The following NIBAN1 variants were observed in gnomAD, a reference collection of about 807,000 sequenced individuals.
The protein encoded by NIBAN1 is niban apoptosis regulator 1, also known as protein Niban 1.
NIBAN1 carries 81 observed loss-of-function variants against 75.1 expected under a neutral mutation model. The ratio of observed to expected loss-of-function variants is 1.08; its 90% confidence interval spans 0.90 to 1.30. NIBAN1 has a LOEUF of 1.30. Among genes scored for constraint, NIBAN1 ranks in the 50% most tolerant of loss-of-function variants. NIBAN1 has a pLI of 0.00. For missense variants in NIBAN1, 1,133 were observed against 1,128.1 expected (o/e 1.00, Z -0.06); for synonymous variants, 436 against 424.8 (o/e 1.03, Z -0.32).
chr1:184,949,187 A>C (rs975487383), intron 1 of NIBAN1, among the ~76,000 whole-genome samples: 13 of 152,112 alleles, frequency 8.5e-5, no homozygotes, highest in African/African-American at 2.9e-4. Context: ...CCCCATCTCT[A>C]CTAAGAAAAA....
chr1:184,931,834 T>C (rs1657832936), intron 1 of NIBAN1, among the ~76,000 whole-genome samples: 1 of 152,194 alleles, frequency 6.6e-6, no homozygotes, highest in South Asian at 2.1e-4. Context: ...AGCACAATCA[T>C]TAAACATCAT....
At chr1:184,918,130 A>G (rs1208073803) in intron 1 of NIBAN1, among the ~76,000 whole-genome samples, 4 of 152,102 alleles carry the variant, frequency 2.6e-5, no homozygotes, top group Non-Finnish European at 5.9e-5. Flanking sequence ...CGGTTAACAG[A>G]TTCACCATCA....
In NIBAN1 at chr1:184,795,443, T is replaced by A. The variant is rs755118661; in HGVS notation, c.2321A>T (p.Gln774Leu). Residue 774 changes from glutamine to leucine, a missense_variant, in exon 14 of 14, where the codon CAA (glutamine) becomes CTA (leucine). Coordinates refer to ENST00000367511, the MANE Select transcript of NIBAN1 (RefSeq NM_052966.4). ...EESEVSEREA[Q>L]PPCPEAHGEE... is the part of the protein sequence containing the mutation. ...CCCATGGGCCTCGGGACAGGGAGGTTGGGCCTCCCTCTCGCTGACTTCACT... is the reference window on the plus strand; with the variant it reads ...CCCATGGGCCTCGGGACAGGGAGGTAGGGCCTCCCTCTCGCTGACTTCACT... 76 of 1,608,152 alleles carry A rather than the reference T, an allele frequency of 4.7e-5. No individual in the cohort carries two copies. Among genetic ancestry groups the A allele is most frequent in the Admixed American group, 3.2e-4 (19 of 59,186 alleles).
chr1:184,822,813 G>A (rs1654738815), intron 8 of NIBAN1, among the ~76,000 whole-genome samples: 1 of 152,218 alleles, frequency 6.6e-6, no homozygotes, highest in Admixed American at 6.5e-5. Flanking sequence ...GAGTAAACCA[G>A]GGTGACATGG....
intron 12 of NIBAN1, among the ~76,000 whole-genome samples, chr1:184,800,409 C>T (rs1282733527): frequency 2.0e-5 from 3 of 151,896 alleles, no homozygotes; most frequent in Non-Finnish European, 2.9e-5. Flanking sequence ...GTTGCCATTG[C>T]TTTTGGCGTT....
intron 4 of NIBAN1, among the ~76,000 whole-genome samples, chr1:184,887,264 G>C (rs1034292709): frequency 5.3e-5 from 8 of 152,130 alleles, no homozygotes; most frequent in African/African-American, 1.9e-4. Context: ...TGGCCCACCA[G>C]GACCTAGCAC....
Position 184,890,214 on chromosome 1 carries a change from C to T in NIBAN1, c.327G>A (p.Gln109=). ...TTCGACATTTAGGAGCAGCTCCTCT[C>T]TGATAGGCCTGGGGAGGGAAAGGCA... ...VESYENKEAY[Q]RGAAPKCRIL... Residue 109 remains glutamine, a synonymous_variant, in exon 4 of 14, where the codon CAG becomes CAA. Coordinates refer to ENST00000367511, the MANE Select transcript of NIBAN1 (RefSeq NM_052966.4). 1.9e-6 allele frequency: 3 copies of T among 1,613,222 alleles called. No homozygotes were observed. The highest frequency in any genetic ancestry group is 2.2e-5 in the South Asian group (2 of 91,064).
intron 5 of NIBAN1, among the ~76,000 whole-genome samples, chr1:184,860,057 G>C (rs991336795): frequency 3.9e-5 from 6 of 152,150 alleles, no homozygotes; most frequent in Non-Finnish European, 7.3e-5. Flanking sequence ...GACCACAAAG[G>C]GAAAGTAAGA....
chr1:184,873,768 C>G (rs753779492), intron 5 of NIBAN1, among the ~76,000 whole-genome samples: 116 of 152,230 alleles, frequency 7.6e-4, no homozygotes, highest in Admixed American at 1.6e-3. Flanking sequence ...ACCCCTTTTG[C>G]CATGTAAATA....
Position 184,880,606 on chromosome 1 carries a change from T to G in NIBAN1, c.601+4027A>C, listed in dbSNP as rs1478087829. Among the ~76,000 whole-genome samples the G allele has an allele frequency of 3.9e-5, 6 of 152,208 alleles. No individual in the cohort carries two copies. In the East Asian group the frequency reaches 1.2e-3, roughly 29 times the overall value. On this transcript the variant is annotated intron_variant, in intron 5 of 13. Coordinates refer to ENST00000367511, the MANE Select transcript of NIBAN1 (RefSeq NM_052966.4). ...TCCTATTCCTCCTCCAGGAACACTT[T>G]TTCTTCTTCCTGCACATTTACATGC...
chr1:184,813,651 C>G (rs1464414476), intron 9 of NIBAN1, among the ~76,000 whole-genome samples: 2 of 152,104 alleles, frequency 1.3e-5, no homozygotes, highest in African/African-American at 2.4e-5. Context: ...TTAAGCAAGT[C>G]AGAAAGTCTA....
intron 1 of NIBAN1, among the ~76,000 whole-genome samples, chr1:184,909,878 T>C (rs1657196418): frequency 6.6e-6 from 1 of 152,150 alleles, no homozygotes; most frequent in Admixed American, 6.5e-5. Flanking sequence ...AGTCACTGGA[T>C]CAGTTAATCA....
intron 4 of NIBAN1, among the ~76,000 whole-genome samples, chr1:184,885,963 A>G (rs753746341): frequency 7.2e-5 from 11 of 151,960 alleles, no homozygotes; most frequent in Non-Finnish European, 1.5e-4. Context: ...CTCCTCGCTA[A>G]GCATCGGTGC....
intron 5 of NIBAN1, among the ~76,000 whole-genome samples, chr1:184,835,133 G>A (rs958491392): frequency 9.9e-5 from 15 of 152,196 alleles, no homozygotes; most frequent in African/African-American, 3.4e-4. Flanking sequence ...TGTCAGGTTT[G>A]TCAAAGATCA....
chr1:184,823,769 C>A, intron 6 of NIBAN1, 27 bp from the exon 7 acceptor site: 2 of 1,599,892 alleles, frequency 1.3e-6, no homozygotes, highest in Non-Finnish European at 1.7e-6. Context: ...AGCCCAGAGT[C>A]GGTCAGTCGG....
intron 5 of NIBAN1, among the ~76,000 whole-genome samples, chr1:184,879,650 TTTG>T (rs1253915867): frequency 1.3e-5 from 2 of 152,224 alleles, no homozygotes; most frequent in African/African-American, 2.4e-5. Flanking sequence ...TGTAAGGTCC[TTTG>T]TTGTTCTAAA....
chr1:184,841,915 T>C (rs985033774), intron 5 of NIBAN1, among the ~76,000 whole-genome samples: 2 of 152,126 alleles, frequency 1.3e-5, no homozygotes, highest in Non-Finnish European at 2.9e-5. Context: ...AGTGTAATCA[T>C]GTGAGATATG....
chr1:184,795,493 G>A lies in NIBAN1; in HGVS notation c.2271C>T (p.Ala757=). 6.2e-7 allele frequency: 1 copy of A among 1,613,364 alleles called. No homozygotes were observed. Among genetic ancestry groups the A allele is most frequent in the Non-Finnish European group, 8.5e-7 (1 of 1,179,766 alleles). ...TTTCTTCACAGTTGTCGGGGTGGAT[G>A]GCAGCTGCCTGACTGGGCTCTTTTT... is the stretch of plus-strand genomic sequence containing the variant. The part of the protein sequence containing the change: ...EEEKEPSQAA[A]IHPDNCEESE... The change falls in exon 14 of 14, where the codon GCC becomes GCT. Residue 757 remains alanine (A), a synonymous_variant. Coordinates refer to ENST00000367511, the MANE Select transcript of NIBAN1 (RefSeq NM_052966.4).
intron 5 of NIBAN1, among the ~76,000 whole-genome samples, chr1:184,870,795 C>A (rs927143937): frequency 2.0e-5 from 3 of 152,298 alleles, no homozygotes; most frequent in Non-Finnish European, 4.4e-5. Flanking sequence ...AACCCTCTTA[C>A]TGAAGAAAAG....
Sources: allele counts gnomAD v4.1 joint callset (sites outside exome capture counted in the v4.1 genomes callset), GRCh38; gene constraint gnomAD v4.1.1; transcripts MANE v1.5; gene names NCBI Gene and HGNC (gene_info 2026-07-23, HGNC 2026-07-21).